Variants in SLA2 observed in about 807,000 individuals in gnomAD.
SLA2 encodes src-like-adapter 2.
SLA2 carries 22 observed loss-of-function variants against 27.3 expected under a neutral mutation model. The ratio of observed to expected loss-of-function variants is 0.81; its 90% CI spans 0.58 to 1.15. SLA2 has a LOEUF of 1.15. SLA2 is among the 50% of genes most tolerant of loss of function. The pLI is 0.00. For missense variants in SLA2, 304 were observed against 322.2 expected, an observed-to-expected ratio of 0.94 and a Z score of 0.43; for synonymous variants, 131 against 137.8, an observed-to-expected ratio of 0.95 and a Z score of 0.34.
At chr20:36,614,949 T>G in intron 6 of SLA2, 1 of 985,370 alleles carries the variant, frequency 1.0e-6, no homozygotes, top group Non-Finnish European at 1.2e-6. Context: ...GAGAGAACTC[T>G]GCCTGCTGCC....
chr20:36,630,495 C>A (rs1240700598), intron 5 of SLA2, among the ~76,000 whole-genome samples: 1 of 152,184 alleles, frequency 6.6e-6, no homozygotes, highest in African/African-American at 2.4e-5. Flanking sequence ...GCAGTGCCAA[C>A]ATTACTGCCC....
chr20:36,614,224 A>C, intron 7 of SLA2, 81 bp downstream of exon 7: 1 of 1,607,332 alleles, frequency 6.2e-7, no homozygotes, highest in South Asian at 1.1e-5. Flanking sequence ...TGACAGGTAC[A>C]TTCCGGGTTG....
At chr20:36,626,902 G>A (rs1038451635) in intron 5 of SLA2, among the ~76,000 whole-genome samples, 3 of 151,866 alleles carry the variant, frequency 2.0e-5, no homozygotes, top group East Asian at 1.9e-4. Context: ...TACAGAAGAG[G>A]TATTTTCAAG....
At chr20:36,628,309 CTTATACAA>C (rs1392707283) in intron 5 of SLA2, among the ~76,000 whole-genome samples, 1 of 152,150 alleles carries the variant, frequency 6.6e-6, no homozygotes, top group African/African-American at 2.4e-5. Flanking sequence ...CAGGACACAC[CTTATACAA>C]AATCTGAAAC....
Position 36,613,734 on chromosome 20 carries a change from G to A in SLA2, c.*132C>T, listed in dbSNP as rs1030781403. Reference sequence around the variant, plus strand: ...GAGAGGAAAGAGCAAGGGTACAGGTGGGACCCTAGATGCACCTCTGTGTCC... The same window carrying A: ...GAGAGGAAAGAGCAAGGGTACAGGTAGGACCCTAGATGCACCTCTGTGTCC... On this transcript the variant is annotated 3_prime_UTR_variant, in exon 8 of 8. Coordinates refer to ENST00000262866, the MANE Select transcript of SLA2 (RefSeq NM_032214.4). 3.6e-6 allele frequency: 4 copies of A among 1,118,008 alleles called. No individual in the cohort carries two copies. Among genetic ancestry groups the A allele is most frequent in the South Asian group, 3.1e-5 (2 of 64,924 alleles). The allele number at this position is 1,118,008 out of a possible 1,614,324, so 69.3% of individuals were successfully genotyped here. A position where few individuals can be genotyped will look rare whatever the true frequency, so the allele number is the denominator to read the frequency against.
chr20:36,615,914 T>C (rs1229194509), intron 5 of SLA2, among the ~76,000 whole-genome samples: 3 of 152,208 alleles, frequency 2.0e-5, no homozygotes, highest in African/African-American at 7.2e-5. Flanking sequence ...AACAGCCCGT[T>C]TGTGCTCAAG....
rs1486790369 is a variant in SLA2 at position 36,615,207 on chromosome 20, G to A, written c.532+18C>T. The stretch of plus-strand genomic sequence containing the variant: ...CAGACTATCCCAGCCTAGTCCTGGA[G>A]GCAGGGAAAGGCCATACCAGAGTAA... On this transcript the variant is annotated intron_variant, in intron 6 of 7. Transcript: ENST00000262866. 6.2e-6 allele frequency: 10 copies of A among 1,614,074 alleles called. No individual in the cohort carries two copies. The highest frequency in any genetic ancestry group is 8.5e-6 in the Non-Finnish European group (10 of 1,180,018).
chr20:36,639,379 T>TC (rs1178971588), intron 2 of SLA2, among the ~76,000 whole-genome samples: 1 of 150,084 alleles, frequency 6.7e-6, no homozygotes, highest in East Asian at 1.9e-4. Flanking sequence ...GTGAGCCAGC[T>TC]CCTCAAAAAA....
At chr20:36,645,331 C>T (rs1978287117) in intron 1 of SLA2, among the ~76,000 whole-genome samples, 3 of 151,778 alleles carry the variant, frequency 2.0e-5, no homozygotes, top group Admixed American at 2.0e-4. Flanking sequence ...TACGCCGCTG[C>T]ACTCCAGCCT....
chr20:36,621,120 T>G lies in SLA2; in HGVS notation c.383-5746A>C, dbSNP rs1483719444. ...GAGGTGATGGTGGCATCAATGATGG[T>G]GAGCCTGCTTATAGCAGTAGACGGG... On this transcript the variant is annotated intron_variant, in intron 5 of 7. Coordinates refer to ENST00000262866, the MANE Select transcript of SLA2 (RefSeq NM_032214.4). 3 of 386,768 alleles carry G rather than the reference T, an allele frequency of 7.8e-6. No homozygotes were observed. The Admixed American group carries it at 8.7e-5, about 11-fold the overall frequency. The allele number at this position is 386,768 out of a possible 1,614,324, so 24.0% of individuals were successfully genotyped here. A position where few individuals can be genotyped will look rare whatever the true frequency, so the allele number is the denominator to read the frequency against.
At position 36,641,279 on chromosome 20, in the gene SLA2, A is replaced by G; in HGVS notation, c.57T>C (p.Ser19=). ...KSLPSPSLSS[S]VQGQGPVTME... The stretch of plus-strand genomic sequence containing the variant: ...TGGTCACAGGTCCCTGGCCTTGGAC[A>G]GAGGAACTCAAGCTTGGGCTTGGCA... Residue 19 remains serine (S), a synonymous_variant, in exon 2 of 8, where the codon TCT becomes TCC. Transcript: ENST00000262866. The G allele has an allele frequency of 1.2e-6, 2 of 1,614,154 alleles. No homozygotes were observed. The highest frequency in any genetic ancestry group is 1.7e-6 in the Non-Finnish European group (2 of 1,179,984).
intron 5 of SLA2, among the ~76,000 whole-genome samples, chr20:36,631,996 G>A (rs1247043773): frequency 1.3e-5 from 2 of 152,042 alleles, no homozygotes; most frequent in Admixed American, 6.6e-5. Flanking sequence ...TACGATTTTC[G>A]GGGTCCCCTA....
At chr20:36,639,396 T>TACACACAC (rs72401143) in intron 2 of SLA2, among the ~76,000 whole-genome samples, 3 of 146,742 alleles carry the variant, frequency 2.0e-5, no homozygotes, top group Non-Finnish European at 3.0e-5. Context: ...AAAAAATCTC[T>TACACACAC]ACACACACAC....
intron 5 of SLA2, among the ~76,000 whole-genome samples, chr20:36,631,810 C>T (rs143534146): frequency 2.0e-5 from 3 of 152,254 alleles, no homozygotes; most frequent in South Asian, 4.1e-4. Context: ...GAAGCCTCCC[C>T]ACATCATAGG....
chr20:36,639,999 T>C (rs2039490786), intron 2 of SLA2, among the ~76,000 whole-genome samples: 1 of 152,100 alleles, frequency 6.6e-6, no homozygotes, highest in Non-Finnish European at 1.5e-5. Flanking sequence ...TATGCTATTT[T>C]TCCACCATTA....
At chr20:36,637,730 G>A (rs951887135) in intron 2 of SLA2, among the ~76,000 whole-genome samples, 3 of 144,182 alleles carry the variant, frequency 2.1e-5, no homozygotes, top group South Asian at 2.3e-4. Flanking sequence ...GGGTTCAAGC[G>A]ATTCTCCTCC....
Position 36,641,388 on chromosome 20 carries a change from A to G in SLA2, c.-43-10T>C. 2 of 1,514,572 alleles carry G rather than the reference A, an allele frequency of 1.3e-6. No individual in the cohort carries two copies. Among genetic ancestry groups the G allele is most frequent in the Non-Finnish European group, 1.8e-6 (2 of 1,091,098 alleles). 93.8% of individuals were successfully genotyped at this position (1,514,572 alleles called of 1,614,324 possible). ...CATCATCGAGGGAAATCTGAAAGAG[A>G]CACAGTGATGGGGACAGAGCCGAGG... On this transcript the variant is annotated splice_polypyrimidine_tract_variant and intron_variant, in intron 1 of 7. Coordinates refer to ENST00000262866, the MANE Select transcript of SLA2 (RefSeq NM_032214.4).
intron 5 of SLA2, among the ~76,000 whole-genome samples, chr20:36,615,607 G>C (rs2039200823): frequency 6.6e-6 from 1 of 152,162 alleles, no homozygotes; most frequent in Non-Finnish European, 1.5e-5. Context: ...TACAGGGTCT[G>C]GCACTGTGTG....
intron 5 of SLA2, among the ~76,000 whole-genome samples, chr20:36,626,942 C>T (rs1568605015): frequency 1.3e-5 from 2 of 148,422 alleles, no homozygotes; most frequent in Admixed American, 6.6e-5. Context: ...CAAAAATTGA[C>T]ATAGTATGGG....
Sources: gnomAD v4.1 joint callset for allele counts (sites outside exome capture counted in the v4.1 genomes callset) on GRCh38, gnomAD v4.1.1 for gene constraint, MANE v1.5 for transcripts, NCBI Gene and HGNC (gene_info 2026-07-23, HGNC 2026-07-21) for gene names.